The following ZFHX3 variants were observed in gnomAD, a reference collection of about 807,000 sequenced individuals.
ZFHX3 encodes the protein zinc finger homeobox protein 3.
Under a neutral mutation model 279.1 loss-of-function variants are expected in ZFHX3, and 42 were observed. That is an observed-to-expected ratio of 0.15 (90% confidence interval 0.12 to 0.19). The LOEUF (loss-of-function observed/expected upper bound fraction) is 0.19. Ranked by LOEUF, ZFHX3 falls within the 10% of genes least tolerant of loss-of-function variation. The probability of loss-of-function intolerance (pLI) is 1.00; values close to 1 mark genes in which losing one functional copy is unlikely to be tolerated. For synonymous variants in ZFHX3, 2,293 were observed against 1,957.8 expected, an observed-to-expected ratio of 1.17 and a Z score of -4.52; for missense variants, 4,981 against 4,754.0, an observed-to-expected ratio of 1.05 and a Z score of -1.40.
intron 2 of ZFHX3, among the ~76,000 whole-genome samples, chr16:73,469,135 C>A (rs2143598065): frequency 6.6e-6 from 1 of 152,278 alleles, no homozygotes. Context: ...TTTCCCACCA[C>A]CCAGCCCCTC....
intron 1 of ZFHX3, among the ~76,000 whole-genome samples, chr16:73,809,023 G>C (rs187503613): frequency 6.6e-6 from 1 of 152,138 alleles, no homozygotes; most frequent in Non-Finnish European, 1.5e-5. Context: ...GCTTGGGTTT[G>C]TTTCTGTAAT....
At chr16:73,164,724 T>A (rs889012273) in intron 5 of ZFHX3, among the ~76,000 whole-genome samples, 2 of 151,802 alleles carry the variant, frequency 1.3e-5, no homozygotes, top group African/African-American at 4.8e-5. Context: ...AAAGACAATT[T>A]GGAACCCACA....
chr16:73,465,794 C>A (rs2018558966), intron 2 of ZFHX3, among the ~76,000 whole-genome samples: 1 of 152,148 alleles, frequency 6.6e-6, no homozygotes, highest in South Asian at 2.1e-4. Context: ...AAATACAGAT[C>A]AGGTGGATAA....
chr16:73,171,824 G>A (rs116186007), intron 5 of ZFHX3, among the ~76,000 whole-genome samples: 1 of 151,944 alleles, frequency 6.6e-6, no homozygotes, highest in Non-Finnish European at 1.5e-5. Context: ...CAACCTTTGG[G>A]GTTGAATGGG....
At chr16:73,355,841 G>T (rs1331562615) in intron 3 of ZFHX3, among the ~76,000 whole-genome samples, 1 of 152,132 alleles carries the variant, frequency 6.6e-6, no homozygotes, top group African/African-American at 2.4e-5. Context: ...CAAGCATAGG[G>T]CTTGACGCAT....
At chr16:73,476,742 T>C (rs2018772778) in intron 2 of ZFHX3, among the ~76,000 whole-genome samples, 1 of 152,208 alleles carries the variant, frequency 6.6e-6, no homozygotes, top group African/African-American at 2.4e-5. Flanking sequence ...GTGGGTGTTA[T>C]CACCACAAAA....
intron 2 of ZFHX3, among the ~76,000 whole-genome samples, chr16:73,639,882 A>C (rs1483428043): frequency 6.6e-6 from 1 of 152,214 alleles, no homozygotes; most frequent in Non-Finnish European, 1.5e-5. Flanking sequence ...TAAGAGTATT[A>C]ATGGCCTTAG....
chr16:73,647,082 G>A (rs927741621), intron 2 of ZFHX3, among the ~76,000 whole-genome samples: 3 of 146,770 alleles, frequency 2.0e-5, no homozygotes, highest in Admixed American at 7.0e-5. Context: ...GCGCGATCTC[G>A]GCGCACTGCA....
At chr16:73,267,837 C>T (rs955876279) in intron 4 of ZFHX3, among the ~76,000 whole-genome samples, 2 of 152,172 alleles carry the variant, frequency 1.3e-5, no homozygotes, top group Admixed American at 1.3e-4. Flanking sequence ...ACTTCTTCCT[C>T]ATTTTATTTT....
At chr16:73,749,975 G>A (rs1467101338) in intron 1 of ZFHX3, among the ~76,000 whole-genome samples, 1 of 152,144 alleles carries the variant, frequency 6.6e-6, no homozygotes, top group African/African-American at 2.4e-5. Context: ...CAGTAAACAG[G>A]CTAGTGCCTG....
chr16:73,754,373 C>T (rs768521055), intron 1 of ZFHX3, among the ~76,000 whole-genome samples: 2 of 152,050 alleles, frequency 1.3e-5, no homozygotes, highest in Non-Finnish European at 2.9e-5. Flanking sequence ...TACTGAAACC[C>T]AGTTCTTGAC....
chr16:72,958,012 G>T lies in ZFHX3; in HGVS notation c.2134C>A (p.Arg712=). The T allele has an allele frequency of 6.2e-7, 1 of 1,606,928 alleles. No individual in the cohort carries two copies. The highest frequency in any genetic ancestry group is 8.5e-7 in the Non-Finnish European group (1 of 1,177,312). ...VYCKSGQPHP[R]LARGESYTCG... Reference sequence around the variant, plus strand: ...GTGTAGCTCTCGCCTCGTGCCAGCCGGGGGTGGGGCTGCCCGCTTTTGCAG... The same window carrying T: ...GTGTAGCTCTCGCCTCGTGCCAGCCTGGGGTGGGGCTGCCCGCTTTTGCAG... The change falls in exon 2 of 10, where the codon CGG becomes AGG. Residue 712 remains arginine, a synonymous_variant. Coordinates refer to ENST00000268489, the MANE Select transcript of ZFHX3 (RefSeq NM_006885.4).
intron 1 of ZFHX3, among the ~76,000 whole-genome samples, chr16:73,688,919 C>T (rs1218574149): frequency 1.3e-5 from 2 of 152,166 alleles, no homozygotes; most frequent in African/African-American, 4.8e-5. Flanking sequence ...ATGTGCCTTT[C>T]ACCTTCCACC....
intron 3 of ZFHX3, among the ~76,000 whole-genome samples, chr16:73,402,889 A>G (rs2017285333): frequency 6.8e-6 from 1 of 147,996 alleles, no homozygotes; most frequent in South Asian, 2.2e-4. Flanking sequence ...TGTCGTACAT[A>G]TGGAAAATAA....
chr16:73,108,740 T>C (rs1966335270), intron 7 of ZFHX3, among the ~76,000 whole-genome samples: 1 of 152,206 alleles, frequency 6.6e-6, no homozygotes. Context: ...GGGTTAAAGT[T>C]GAGGTTTCTA....
chr16:72,811,859 C>G (rs769974506), intron 6 of ZFHX3, 46 bp downstream of exon 6: 1 of 1,412,430 alleles, frequency 7.1e-7, no homozygotes, highest in Non-Finnish European at 9.7e-7. Flanking sequence ...CTACCAATGT[C>G]TAAAACACCT....
intron 3 of ZFHX3, among the ~76,000 whole-genome samples, chr16:73,453,206 G>T (rs2018309375): frequency 6.6e-6 from 1 of 152,192 alleles, no homozygotes; most frequent in Admixed American, 6.5e-5. Flanking sequence ...TGGCCCTCTG[G>T]GCATGAAATC....
intron 2 of ZFHX3, among the ~76,000 whole-genome samples, chr16:73,592,832 C>G (rs1419037720): frequency 6.7e-6 from 1 of 150,164 alleles, no homozygotes; most frequent in African/African-American, 2.4e-5. Flanking sequence ...TTCAACAAAA[C>G]TCGAATCTCT....
At chr16:72,825,130 G>A (rs769563840) in intron 5 of ZFHX3, among the ~76,000 whole-genome samples, 7 of 152,200 alleles carry the variant, frequency 4.6e-5, no homozygotes, top group Non-Finnish European at 7.3e-5. Context: ...AGCCGAAAGA[G>A]GCCAAGTGCC....
Sources: allele counts gnomAD v4.1 joint callset (sites outside exome capture counted in the v4.1 genomes callset), GRCh38; gene constraint gnomAD v4.1.1; transcripts MANE v1.5; gene names NCBI Gene and HGNC (gene_info 2026-07-23, HGNC 2026-07-21).